PEAK1: variants seen among roughly 807,000 people sequenced by gnomAD.
PEAK1 encodes pseudopodium enriched atypical kinase 1.
In PEAK1, 54 loss-of-function variants were observed where a neutral mutation model predicts 124.7. The ratio of observed to expected loss-of-function variants is 0.43; its 90% confidence interval spans 0.35 to 0.54. The LOEUF (loss-of-function observed/expected upper bound fraction) is 0.54. PEAK1 is among the 20% of genes least tolerant of loss of function. PEAK1 has a pLI of 0.01. For synonymous variants in PEAK1, 719 were observed against 760.0 expected, an observed-to-expected ratio of 0.95 and a Z score of 0.89; for missense variants, 2,046 against 2,134.5, an observed-to-expected ratio of 0.96 and a Z score of 0.82.
chr15:77,140,074 A>G (rs2053651882), intron 8 of PEAK1, among the ~76,000 whole-genome samples: 2 of 152,174 alleles, frequency 1.3e-5, no homozygotes, highest in South Asian at 4.1e-4. Context: ...GATATCTATA[A>G]TAAGGAAAGA....
chr15:77,278,480 G>C lies in PEAK1; in HGVS notation c.-275+5403C>G, dbSNP rs903089328. Reference sequence around the variant, plus strand: ...CGCCAGCACCATGCCCAAGAGAAAGGCTGAAGGGGATGCTAAAGGAGATAA... The same window carrying C: ...CGCCAGCACCATGCCCAAGAGAAAGCCTGAAGGGGATGCTAAAGGAGATAA... On this transcript the variant is annotated intron_variant, in intron 5 of 9. Transcript: ENST00000682557. 1.3e-4 allele frequency: 66 copies of C among 492,888 alleles called. No homozygotes were observed. In the Admixed American group the frequency reaches 1.4e-3, roughly 11 times the overall value. 30.5% of individuals were successfully genotyped at this position (492,888 alleles called of 1,614,324 possible).
At chr15:77,283,026 G>A (rs1210197601) in intron 5 of PEAK1, among the ~76,000 whole-genome samples, 2 of 152,130 alleles carry the variant, frequency 1.3e-5, no homozygotes, top group East Asian at 3.8e-4. Context: ...TGAATTCCAT[G>A]GATCTGTGAT....
At chr15:77,231,004 TG>T (rs1472233535) in intron 6 of PEAK1, among the ~76,000 whole-genome samples, 9 of 152,306 alleles carry the variant, frequency 5.9e-5, no homozygotes, top group Non-Finnish European at 7.4e-5. Context: ...GTGTTTAGTT[TG>T]TATTCTCTAT....
intron 1 of PEAK1, chr15:77,419,190 G>C: frequency 1.0e-6 from 1 of 985,334 alleles, no homozygotes; most frequent in Non-Finnish European, 1.2e-6. Context: ...ACATTTAACA[G>C]GCCAGAGGCA....
intron 7 of PEAK1, among the ~76,000 whole-genome samples, chr15:77,168,728 G>C (rs1022422920): frequency 7.9e-5 from 12 of 152,182 alleles, no homozygotes; most frequent in African/African-American, 2.9e-4. Context: ...AAGGGTAAAG[G>C]AAGGTTGATA....
At chr15:77,132,982 T>C (rs528142242) in intron 9 of PEAK1, 23 bp downstream of exon 9, 1 of 1,580,168 alleles carries the variant, frequency 6.3e-7, no homozygotes, top group Non-Finnish European at 8.6e-7. Flanking sequence ...AGACTTAACA[T>C]GAGATTTATA....
At chr15:77,151,626 G>GA (rs1303216688) in intron 8 of PEAK1, among the ~76,000 whole-genome samples, 3 of 152,096 alleles carry the variant, frequency 2.0e-5, no homozygotes, top group Non-Finnish European at 4.4e-5. Flanking sequence ...TTTTCTTCTA[G>GA]GGTTTTTATG....
At chr15:77,158,077 C>T (rs183785557) in intron 8 of PEAK1, 148 of 159,632 alleles carry the variant, frequency 9.3e-4, no homozygotes, top group African/African-American at 3.1e-3. Context: ...ATATTGTTGT[C>T]TCTGATTGGA....
At chr15:77,295,280 G>A (rs1213545766) in intron 2 of PEAK1, among the ~76,000 whole-genome samples, 1 of 151,598 alleles carries the variant, frequency 6.6e-6, no homozygotes, top group Non-Finnish European at 1.5e-5. Context: ...TTATAAGAGT[G>A]TTATATTAAA....
intron 2 of PEAK1, among the ~76,000 whole-genome samples, chr15:77,358,955 CT>C (rs370348638): frequency 1.2e-4 from 19 of 152,298 alleles, no homozygotes; most frequent in African/African-American, 4.3e-4. Context: ...ATATAAACCA[CT>C]TAGCATAGGG....
At chr15:77,150,110 C>T (rs578010658) in intron 8 of PEAK1, among the ~76,000 whole-genome samples, 1 of 152,196 alleles carries the variant, frequency 6.6e-6, no homozygotes, top group Non-Finnish European at 1.5e-5. Flanking sequence ...TCTGATAGGG[C>T]ATCTATAATC....
chr15:77,351,063 G>C (rs954550288), intron 2 of PEAK1: 8 of 484,338 alleles, frequency 1.7e-5, no homozygotes, highest in Non-Finnish European at 2.1e-5. Flanking sequence ...AGAGGCAGAA[G>C]GCTTTGCTTA....
chr15:77,234,136 A>C (rs1209658648), intron 6 of PEAK1, among the ~76,000 whole-genome samples: 1 of 152,192 alleles, frequency 6.6e-6, no homozygotes, highest in South Asian at 2.1e-4. Context: ...CAAAGTGTTG[A>C]GATTACAGGC....
intron 2 of PEAK1, among the ~76,000 whole-genome samples, chr15:77,355,600 T>C (rs2067470702): frequency 6.6e-6 from 1 of 152,200 alleles, no homozygotes. Context: ...AACAAGATTC[T>C]GTAGGACCCT....
chr15:77,385,932 G>C (rs2069892925), intron 1 of PEAK1, among the ~76,000 whole-genome samples: 3 of 152,220 alleles, frequency 2.0e-5, no homozygotes, highest in South Asian at 4.1e-4. Context: ...AACCTGGTTT[G>C]AATCTAGCAC....
At chr15:77,387,625 A>G (rs75863096) in intron 1 of PEAK1, among the ~76,000 whole-genome samples, 2,539 of 152,344 alleles carry the variant, frequency 0.017, 68 homozygotes, top group African/African-American at 0.057. Flanking sequence ...CTAAGGTTAC[A>G]TAACTAAATT....
At chr15:77,134,216 C>A (rs1477003506) in intron 8 of PEAK1, among the ~76,000 whole-genome samples, 1 of 152,154 alleles carries the variant, frequency 6.6e-6, no homozygotes, top group African/African-American at 2.4e-5. Flanking sequence ...TAGACAGGGG[C>A]TCAGAAGATA....
At chr15:77,349,140 C>G in intron 2 of PEAK1, 1 of 492,696 alleles carries the variant, frequency 2.0e-6, no homozygotes, top group African/African-American at 2.1e-5. Context: ...CCTGGGTTCA[C>G]GCCATTCTCC....
intron 6 of PEAK1, among the ~76,000 whole-genome samples, chr15:77,206,732 T>C (rs899926975): frequency 1.3e-4 from 20 of 151,930 alleles, no homozygotes; most frequent in African/African-American, 4.4e-4. Flanking sequence ...TATTAGCCCT[T>C]TGTCAGACGA....
Sources: gnomAD v4.1 joint callset for allele counts (sites outside exome capture counted in the v4.1 genomes callset) on GRCh38, gnomAD v4.1.1 for gene constraint, MANE v1.5 for transcripts, NCBI Gene and HGNC (gene_info 2026-07-23, HGNC 2026-07-21) for gene names.